LTBP1: variants seen among roughly 807,000 people sequenced by gnomAD.
The protein encoded by LTBP1 is latent-transforming growth factor beta-binding protein 1.
LTBP1 carries 129 observed loss-of-function variants against 207.6 expected under a neutral mutation model. The observed-to-expected ratio is 0.62, with a 90% CI of 0.54 to 0.72. The LOEUF (loss-of-function observed/expected upper bound fraction) is 0.72. Ranked by LOEUF, LTBP1 falls within the 30% of genes least tolerant of loss-of-function variation. The pLI is 0.00. For missense variants in LTBP1, 2,281 were observed against 2,217.2 expected (o/e 1.03, Z -0.58); for synonymous variants, 963 against 833.7 (o/e 1.16, Z -2.67).
chr2:32,950,943 C>T lies in LTBP1; in HGVS notation c.565+1998C>T, dbSNP rs192118525. ...TGTTCCAAATCTTGGGGAATCTCTT[C>T]ATGGCTTCCTGCTTCTGCAGGCAAG... On this transcript the variant is annotated intron_variant, in intron 2 of 33. Coordinates refer to ENST00000404816, the MANE Select transcript of LTBP1 (RefSeq NM_206943.4). 4.1e-4 allele frequency among the ~76,000 whole-genome samples: 62 copies of T among 152,338 alleles called. 2 individuals are homozygous for T. The East Asian group carries it at 0.011, about 27-fold the overall frequency.
At chr2:33,031,182 T>C (rs2075675934) in intron 3 of LTBP1, among the ~76,000 whole-genome samples, 1 of 152,176 alleles carries the variant, frequency 6.6e-6, no homozygotes, top group Non-Finnish European at 1.5e-5. Flanking sequence ...GAATACAATC[T>C]GTTACTCATT....
At chr2:33,063,129 C>T (rs1204844998) in intron 3 of LTBP1, 1 of 152,102 alleles carries the variant, frequency 6.6e-6, no homozygotes, top group Non-Finnish European at 1.5e-5. Context: ...TGTGTAAGCC[C>T]TCAATTTTGT....
chr2:33,288,057 A>G (rs1224436555), intron 19 of LTBP1, among the ~76,000 whole-genome samples: 1 of 152,214 alleles, frequency 6.6e-6, no homozygotes, highest in Admixed American at 6.5e-5. Flanking sequence ...CTAGAATAAG[A>G]TGCTTTATCC....
rs142056700 is a variant in LTBP1 at position 33,138,542 on chromosome 2, C to T, written c.1201+3582C>T. 7.9e-5 allele frequency among the ~76,000 whole-genome samples: 12 copies of T among 152,098 alleles called. No individual in the cohort carries two copies. In the East Asian group the frequency reaches 9.7e-4, roughly 12 times the overall value. On this transcript the variant is annotated intron_variant, in intron 5 of 33. Coordinates refer to ENST00000404816, the MANE Select transcript of LTBP1 (RefSeq NM_206943.4). ...CTTGTTGGGTGGGCTGCAGGTTCAC[C>T]GTTGTTGTTTTAAAGGATTCTTAAC... is the stretch of plus-strand genomic sequence containing the variant.
chr2:33,010,018 T>A (rs1687456670), intron 2 of LTBP1, among the ~76,000 whole-genome samples: 1 of 150,552 alleles, frequency 6.6e-6, no homozygotes, highest in Non-Finnish European at 1.5e-5. Context: ...ATTTGGAGGG[T>A]GGGGAGAGAA....
intron 32 of LTBP1, among the ~76,000 whole-genome samples, chr2:33,392,986 T>C (rs995811540): frequency 1.3e-5 from 2 of 151,948 alleles, no homozygotes; most frequent in African/African-American, 4.8e-5. Context: ...GGGACTCTTG[T>C]TCTCCTTTAA....
In LTBP1 at chr2:33,055,878, G is replaced by A. The variant is rs190285929; in HGVS notation, c.863+34672G>A. On this transcript the variant is annotated intron_variant, in intron 3 of 33. Transcript: ENST00000404816. ...TTTGTGGTCCTTTGGAGATTTCTTT[G>A]CTTATTTCCTTCTGGGCAGGGGAGA... Among the ~76,000 whole-genome samples the A allele has an allele frequency of 2.2e-3, 328 of 152,220 alleles. 3 individuals carry two copies. The highest frequency in any genetic ancestry group is 7.2e-3 in the African/African-American group (301 of 41,528).
At chr2:33,170,041 G>T (rs995790331) in intron 5 of LTBP1, among the ~76,000 whole-genome samples, 1 of 152,190 alleles carries the variant, frequency 6.6e-6, no homozygotes. Flanking sequence ...GGCCGAATAG[G>T]AACAGCTCTG....
At chr2:33,152,398 T>C (rs2083614788) in intron 5 of LTBP1, among the ~76,000 whole-genome samples, 1 of 152,032 alleles carries the variant, frequency 6.6e-6, no homozygotes, top group African/African-American at 2.4e-5. Context: ...ATGACCATAA[T>C]TAAAAAATCA....
At chr2:32,983,584 C>T (rs1683089490) in intron 2 of LTBP1, among the ~76,000 whole-genome samples, 1 of 152,152 alleles carries the variant, frequency 6.6e-6, no homozygotes, top group Admixed American at 6.5e-5. Flanking sequence ...CCAATAATCC[C>T]CTTGTGTCGT....
chr2:33,314,287 C>T (rs1573785692), intron 23 of LTBP1, among the ~76,000 whole-genome samples: 2 of 152,172 alleles, frequency 1.3e-5, no homozygotes, highest in Admixed American at 6.5e-5. Flanking sequence ...TGGTGGCTCA[C>T]CTCTGTAATT....
chr2:33,271,991 C>G (rs1317000757), intron 15 of LTBP1, among the ~76,000 whole-genome samples: 1 of 152,144 alleles, frequency 6.6e-6, no homozygotes, highest in East Asian at 1.9e-4. Context: ...ATTAACATAA[C>G]TAGACTCACA....
At chr2:32,978,180 TTCC>T (rs1000065000) in intron 2 of LTBP1, among the ~76,000 whole-genome samples, 13 of 152,170 alleles carry the variant, frequency 8.5e-5, no homozygotes, top group Non-Finnish European at 1.5e-5. Context: ...ATTTGACTTC[TTCC>T]TTTTCAATTC....
intron 3 of LTBP1, among the ~76,000 whole-genome samples, chr2:33,102,034 A>AG (rs2079769604): frequency 6.6e-6 from 1 of 152,156 alleles, no homozygotes; most frequent in Non-Finnish European, 1.5e-5. Context: ...ACTTGAGTAT[A>AG]GGGCCACCTC....
intron 3 of LTBP1, among the ~76,000 whole-genome samples, chr2:33,053,726 T>G (rs1451919600): frequency 6.6e-6 from 1 of 152,210 alleles, no homozygotes; most frequent in East Asian, 1.9e-4. Context: ...CCCTGGTCCC[T>G]CTGGCTAAGA....
chr2:33,322,634 C>T (rs571163322), intron 24 of LTBP1, among the ~76,000 whole-genome samples: 1 of 152,272 alleles, frequency 6.6e-6, no homozygotes, highest in Non-Finnish European at 1.5e-5. Flanking sequence ...TGCATTGCAC[C>T]TGTCTTCTCA....
intron 7 of LTBP1, among the ~76,000 whole-genome samples, chr2:33,198,442 T>C (rs1573119024): frequency 6.6e-6 from 1 of 152,180 alleles, no homozygotes; most frequent in African/African-American, 2.4e-5. Context: ...TCCCTCTTTT[T>C]CTATTGACTG....
intron 24 of LTBP1, among the ~76,000 whole-genome samples, chr2:33,334,553 A>G (rs1263724157): frequency 2.0e-5 from 3 of 152,216 alleles, no homozygotes; most frequent in African/African-American, 7.2e-5. Flanking sequence ...AGATAAAATC[A>G]GAAGAATGTG....
intron 2 of LTBP1, among the ~76,000 whole-genome samples, chr2:32,980,256 G>A (rs1321018242): frequency 1.3e-5 from 2 of 151,882 alleles, no homozygotes; most frequent in Non-Finnish European, 2.9e-5. Context: ...TTTCGTTTTA[G>A]TGAAGGCAGT....
Sources: allele counts gnomAD v4.1 joint callset (sites outside exome capture counted in the v4.1 genomes callset), GRCh38; gene constraint gnomAD v4.1.1; transcripts MANE v1.5; gene names NCBI Gene and HGNC (gene_info 2026-07-23, HGNC 2026-07-21).